Variants in GRIP1 observed in about 807,000 individuals in gnomAD.
GRIP1 encodes the protein glutamate receptor interacting protein 1.
A neutral mutation model predicts 129.9 loss-of-function variants in GRIP1; 45 were observed. That is an observed-to-expected ratio of 0.35 (90% confidence interval 0.27 to 0.44). GRIP1 has a LOEUF of 0.44. Ranked by LOEUF, GRIP1 falls within the 20% of genes least tolerant of loss-of-function variation. GRIP1 has a pLI of 1.00. For missense variants in GRIP1, 1,196 were observed against 1,396.8 expected, an observed-to-expected ratio of 0.86 and a Z score of 2.29; for synonymous variants, 530 against 520.8, an observed-to-expected ratio of 1.02 and a Z score of -0.24.
At chr12:66,997,333 A>G (rs541413789) in intron 1 of GRIP1, among the ~76,000 whole-genome samples, 2 of 152,160 alleles carry the variant, frequency 1.3e-5, no homozygotes, top group Non-Finnish European at 2.9e-5. Context: ...AATTCTGGCT[A>G]CTTGGAAGGT....
chr12:66,391,889 T>C (rs1010861548), intron 19 of GRIP1, among the ~76,000 whole-genome samples: 5 of 151,890 alleles, frequency 3.3e-5, no homozygotes, highest in African/African-American at 4.8e-5. Context: ...CAGGAATAAA[T>C]AGAGTCACAA....
chr12:66,453,517 G>A (rs2058868207), intron 11 of GRIP1, among the ~76,000 whole-genome samples: 1 of 152,172 alleles, frequency 6.6e-6, no homozygotes, highest in Non-Finnish European at 1.5e-5. Flanking sequence ...ATTGAACTTT[G>A]AGAGCACTGT....
intron 7 of GRIP1, among the ~76,000 whole-genome samples, chr12:66,465,841 G>A (rs2059271883): frequency 6.6e-6 from 1 of 152,106 alleles, no homozygotes; most frequent in South Asian, 2.1e-4. Flanking sequence ...TGAATGAATG[G>A]ATGAAAGGAT....
intron 1 of GRIP1, among the ~76,000 whole-genome samples, chr12:66,831,861 A>T (rs56077720): frequency 0.16 from 24,515 of 152,090 alleles, 2,105 homozygotes; most frequent in East Asian, 0.37. Flanking sequence ...TGCAGTAAAA[A>T]CTAATTGAGT....
intron 2 of GRIP1, among the ~76,000 whole-genome samples, chr12:66,585,284 G>GAT (rs942286035): frequency 8.3e-6 from 1 of 120,536 alleles, no homozygotes; most frequent in African/African-American, 3.3e-5. Context: ...CCCAGAGTGT[G>GAT]ATATTCCCCT....
chr12:67,056,432 C>A (rs546432997), intron 1 of GRIP1, among the ~76,000 whole-genome samples: 1 of 152,334 alleles, frequency 6.6e-6, no homozygotes, highest in Non-Finnish European at 1.5e-5. Context: ...TCCATGTGAA[C>A]TGGCTTCCTC....
intron 1 of GRIP1, among the ~76,000 whole-genome samples, chr12:66,736,581 C>T (rs61926141): frequency 6.6e-6 from 1 of 151,484 alleles, no homozygotes. Flanking sequence ...TCTTTATGTT[C>T]AGTAGGCTGA....
chr12:66,807,825 A>C (rs1338549464), upstream of GRIP1, among the ~76,000 whole-genome samples: 1 of 151,836 alleles, frequency 6.6e-6, no homozygotes, highest in Non-Finnish European at 1.5e-5. Flanking sequence ...GAGCCAATTA[A>C]ACCTATTTTT....
chr12:66,937,826 G>A (rs922876244), intron 1 of GRIP1, among the ~76,000 whole-genome samples: 4 of 152,072 alleles, frequency 2.6e-5, no homozygotes, highest in African/African-American at 9.7e-5. Context: ...TTATCTTATT[G>A]GTCATAGTAA....
Position 66,713,754 on chromosome 12 carries a change from C to T in GRIP1, c.-419-83418G>A, listed in dbSNP as rs75062574. Among the ~76,000 whole-genome samples the T allele has an allele frequency of 1.0e-3, 159 of 152,118 alleles. No individual in the cohort carries two copies. The East Asian group carries it at 0.018, about 17-fold the overall frequency. On this transcript the variant is annotated intron_variant, in intron 1 of 4. Transcript: ENST00000538373. ...TATACCTGTTTTTGTTGATCAGAAA[C>T]TTATCATGTTGTTATACATCTGCTT...
At chr12:66,426,724 G>A (rs2057999304) in intron 14 of GRIP1, among the ~76,000 whole-genome samples, 1 of 152,158 alleles carries the variant, frequency 6.6e-6, no homozygotes, top group Non-Finnish European at 1.5e-5. Context: ...CTTGTGGACT[G>A]TGGGTCTTAA....
chr12:66,590,186 G>C (rs780183042), intron 2 of GRIP1, among the ~76,000 whole-genome samples: 5 of 152,162 alleles, frequency 3.3e-5, no homozygotes, highest in Non-Finnish European at 5.9e-5. Context: ...CTGTGACAAA[G>C]GGGTACCCAA....
chr12:67,044,945 T>TGA (rs1490272683), intron 1 of GRIP1, among the ~76,000 whole-genome samples: 1 of 152,228 alleles, frequency 6.6e-6, no homozygotes, highest in Non-Finnish European at 1.5e-5. Context: ...AAAGAAGGTA[T>TGA]GATCACTAAT....
At chr12:66,746,656 T>C (rs1306898521) in intron 1 of GRIP1, among the ~76,000 whole-genome samples, 1 of 152,158 alleles carries the variant, frequency 6.6e-6, no homozygotes, top group Non-Finnish European at 1.5e-5. Flanking sequence ...ATACCTGCAT[T>C]ACCCACAGGG....
intron 7 of GRIP1, among the ~76,000 whole-genome samples, chr12:66,507,500 T>G (rs142277595): frequency 6.6e-6 from 1 of 151,694 alleles, no homozygotes; most frequent in Non-Finnish European, 1.5e-5. Flanking sequence ...CTCTTGCGAC[T>G]GGTAGAAGTT....
Position 67,056,460 on chromosome 12 carries a change from G to A in GRIP1, c.58+12590C>T, listed in dbSNP as rs149083171. The stretch of plus-strand genomic sequence containing the variant: ...GCTTCCTCACAGCATTGTGGCTTCA[G>A]TGTAGTTGAAAGTATGGTAGCTCAG... On this transcript the variant is annotated intron_variant, in intron 1 of 1. Transcript: ENST00000643019. Among the ~76,000 whole-genome samples the A allele has an allele frequency of 3.1e-4, 47 of 152,330 alleles. No individual in the cohort carries two copies. In the East Asian group the frequency reaches 8.5e-3, roughly 27 times the overall value.
intron 16 of GRIP1, among the ~76,000 whole-genome samples, chr12:66,398,581 T>TAG (rs974069486): frequency 2.0e-5 from 3 of 152,042 alleles, no homozygotes; most frequent in Non-Finnish European, 2.9e-5. Context: ...CTGGAGGGGC[T>TAG]AGAGGCCTTC....
intron 16 of GRIP1, among the ~76,000 whole-genome samples, chr12:66,403,651 G>A (rs2057087797): frequency 6.6e-6 from 1 of 152,102 alleles, no homozygotes; most frequent in East Asian, 1.9e-4. Context: ...TCTTATTTTG[G>A]GTGGTTGTAT....
At chr12:66,639,538 T>C (rs11176352) in intron 1 of GRIP1, among the ~76,000 whole-genome samples, 3 of 151,878 alleles carry the variant, frequency 2.0e-5, no homozygotes, top group African/African-American at 7.3e-5. Flanking sequence ...AAGGATTGGA[T>C]AGCAAGTGGA....
Sources: allele counts gnomAD v4.1 joint callset (sites outside exome capture counted in the v4.1 genomes callset), GRCh38; gene constraint gnomAD v4.1.1; transcripts MANE v1.5; gene names NCBI Gene and HGNC (gene_info 2026-07-23, HGNC 2026-07-21).